ADK: variants seen among roughly 807,000 people sequenced by gnomAD.
ADK encodes the protein adenosine kinase, also known as N6,N6-dimethyladenosine kinase.
ADK carries 24 observed loss-of-function variants against 44.7 expected under a neutral mutation model. The observed-to-expected ratio is 0.54, with a 90% CI of 0.39 to 0.76. The LOEUF is 0.76. Among genes scored for constraint, ADK ranks in the 30% least tolerant of loss-of-function variants. The probability of loss-of-function intolerance (pLI) is 0.00; values close to 1 mark genes in which losing one functional copy is unlikely to be tolerated. For synonymous variants in ADK, 128 were observed against 142.6 expected (o/e 0.90, Z 0.73); for missense variants, 321 against 425.1 (o/e 0.76, Z 2.15).
At chr10:74,701,995 A>C (rs11001117) in intron 10 of ADK, among the ~76,000 whole-genome samples, 15,567 of 152,126 alleles carry the variant, frequency 0.1, 1,310 homozygotes, top group African/African-American at 0.22. Flanking sequence ...AATAGATTTT[A>C]AAATAATAAA....
chr10:74,353,130 C>T (rs532744268), intron 4 of ADK, among the ~76,000 whole-genome samples: 10 of 152,266 alleles, frequency 6.6e-5, no homozygotes, highest in Middle Eastern at 3.4e-3. Flanking sequence ...TTTATTGTAG[C>T]GCTATTTACA....
At chr10:74,503,929 C>G (rs2133461878) in intron 6 of ADK, among the ~76,000 whole-genome samples, 1 of 152,286 alleles carries the variant, frequency 6.6e-6, no homozygotes, top group South Asian at 2.1e-4. Flanking sequence ...TCTTACTTTG[C>G]TCTCCAGAAT....
intron 5 of ADK, among the ~76,000 whole-genome samples, chr10:74,397,284 G>A (rs1285123067): frequency 6.6e-6 from 1 of 150,488 alleles, no homozygotes; most frequent in Non-Finnish European, 1.5e-5. Flanking sequence ...GTGGAAATAC[G>A]TTTTGGAAGA....
intron 7 of ADK, among the ~76,000 whole-genome samples, chr10:74,527,094 G>GC (rs1186625539): frequency 6.6e-6 from 1 of 152,238 alleles, no homozygotes. Context: ...GGGCACGGTG[G>GC]CTCACGCCTG....
chr10:74,337,894 C>T (rs1841461151), intron 4 of ADK, among the ~76,000 whole-genome samples: 7 of 151,980 alleles, frequency 4.6e-5, no homozygotes, highest in Middle Eastern at 3.4e-3. Context: ...TCCCGAGTAA[C>T]TGGGATTACA....
intron 6 of ADK, among the ~76,000 whole-genome samples, chr10:74,422,239 A>G (rs542850596): frequency 1.3e-5 from 2 of 152,242 alleles, no homozygotes; most frequent in African/African-American, 4.8e-5. Flanking sequence ...CAATCTAATC[A>G]TTAGGAAAAC....
intron 3 of ADK, among the ~76,000 whole-genome samples, chr10:74,268,149 C>G (rs1228482191): frequency 1.3e-5 from 2 of 152,018 alleles, no homozygotes; most frequent in East Asian, 3.9e-4. Flanking sequence ...ATAATGAGAT[C>G]CCATTTCTAC....
At chr10:74,279,326 A>T (rs1846826307) in intron 3 of ADK, among the ~76,000 whole-genome samples, 1 of 151,870 alleles carries the variant, frequency 6.6e-6, no homozygotes, top group Non-Finnish European at 1.5e-5. Flanking sequence ...GCAGTGGCTC[A>T]CGCCTGTAAT....
At chr10:74,701,040 C>G (rs1053373047) in intron 10 of ADK, among the ~76,000 whole-genome samples, 3 of 152,274 alleles carry the variant, frequency 2.0e-5, no homozygotes, top group Middle Eastern at 3.4e-3. Flanking sequence ...ACCCTAAACT[C>G]TTTTTAGTAG....
At chr10:74,562,918 T>TTTGTG (rs960726729) in intron 7 of ADK, among the ~76,000 whole-genome samples, 2 of 152,200 alleles carry the variant, frequency 1.3e-5, no homozygotes, top group South Asian at 2.1e-4. Context: ...ATTTTTTTTC[T>TTTGTG]TTGTGTTGTG....
chr10:74,317,223 G>A (rs940649663), intron 4 of ADK, among the ~76,000 whole-genome samples: 12 of 152,066 alleles, frequency 7.9e-5, no homozygotes, highest in Non-Finnish European at 1.2e-4. Flanking sequence ...TGTAAATTTT[G>A]GTAAATTTCA....
At chr10:74,307,053 G>A (rs1026050730) in intron 3 of ADK, among the ~76,000 whole-genome samples, 1 of 151,982 alleles carries the variant, frequency 6.6e-6, no homozygotes, top group Non-Finnish European at 1.5e-5. Context: ...AGCACAAAGT[G>A]TGAATTTTCA....
Position 74,272,613 on chromosome 10 carries a change from G to A in ADK, c.195-42054G>A, listed in dbSNP as rs199922629. On this transcript the variant is annotated intron_variant, in intron 3 of 10. Coordinates refer to ENST00000539909, the MANE Select transcript of ADK (RefSeq NM_006721.4). ...ACCTCTGATTATAAATTAAAGGATA[G>A]TATTATAAATGCTTAATTTTATAAC... Among the ~76,000 whole-genome samples, 12 of 152,128 alleles carry A rather than the reference G, an allele frequency of 7.9e-5. 1 individual carries two copies. In the East Asian group the frequency reaches 2.3e-3, roughly 29 times the overall value.
At chr10:74,217,224 AC>A in intron 2 of ADK, among the ~76,000 whole-genome samples, 1 of 152,348 alleles carries the variant, frequency 6.6e-6, no homozygotes, top group East Asian at 1.9e-4. Context: ...TATATCCTGC[AC>A]CTGGCTCGGA....
At chr10:74,284,266 AT>A (rs71021600) in intron 3 of ADK, among the ~76,000 whole-genome samples, 79,674 of 129,204 alleles carry the variant, frequency 0.62, 23,974 homozygotes, top group Middle Eastern at 0.74. Flanking sequence ...GGCAAATTCT[AT>A]TTTTTTTTTT....
At chr10:74,578,881 A>G (rs1394851547) in intron 7 of ADK, among the ~76,000 whole-genome samples, 1 of 152,178 alleles carries the variant, frequency 6.6e-6, no homozygotes, top group African/African-American at 2.4e-5. Context: ...CAAGAACTAT[A>G]TCCTTCATAA....
intron 6 of ADK, among the ~76,000 whole-genome samples, chr10:74,517,471 T>C (rs1848633357): frequency 6.6e-6 from 1 of 152,038 alleles, no homozygotes; most frequent in South Asian, 2.1e-4. Flanking sequence ...GGCGTATGGC[T>C]TGAGCTCAGT....
intron 3 of ADK, among the ~76,000 whole-genome samples, chr10:74,250,391 G>C (rs148852804): frequency 6.6e-6 from 1 of 152,196 alleles, no homozygotes; most frequent in Non-Finnish European, 1.5e-5. Flanking sequence ...GGCAAGGTCT[G>C]TTTGGAGAAT....
At chr10:74,598,441 C>CATT in intron 8 of ADK, among the ~76,000 whole-genome samples, 1 of 111,786 alleles carries the variant, frequency 8.9e-6, no homozygotes, top group African/African-American at 3.7e-5. Context: ...AATCTTATTC[C>CATT]TTTTTTTTTT....
Sources: allele counts gnomAD v4.1 joint callset (sites outside exome capture counted in the v4.1 genomes callset), GRCh38; gene constraint gnomAD v4.1.1; transcripts MANE v1.5; gene names NCBI Gene and HGNC (gene_info 2026-07-23, HGNC 2026-07-21).